Variants in MND1 observed in about 807,000 individuals in gnomAD.
The protein encoded by MND1 is meiotic nuclear divisions 1.
MND1 carries 28 observed loss-of-function variants against 35.1 expected under a neutral mutation model. That is an observed-to-expected ratio of 0.80 (90% CI 0.59 to 1.09). MND1 has a LOEUF of 1.09. MND1 is among the 50% of genes least tolerant of loss of function. The pLI, the probability that MND1 is intolerant of heterozygous loss-of-function variation, is 0.00. For missense variants in MND1, 213 were observed against 239.6 expected (o/e 0.89, Z 0.73); for synonymous variants, 69 against 70.5 (o/e 0.98, Z 0.11).
At chr4:153,405,715 A>AC (rs1409992571) in intron 6 of MND1, among the ~76,000 whole-genome samples, 1 of 152,158 alleles carries the variant, frequency 6.6e-6, no homozygotes, top group African/African-American at 2.4e-5. Context: ...ATTAATCTGA[A>AC]CCCCCACCTT....
At chr4:153,371,708 A>G (rs1327650776) in intron 4 of MND1, among the ~76,000 whole-genome samples, 1 of 152,108 alleles carries the variant, frequency 6.6e-6, no homozygotes, top group East Asian at 1.9e-4. Context: ...TCTCTATCTC[A>G]GCAATACGGC....
At chr4:153,366,346 A>G (rs771677507) in intron 4 of MND1, among the ~76,000 whole-genome samples, 1 of 152,154 alleles carries the variant, frequency 6.6e-6, no homozygotes, top group South Asian at 2.1e-4. Context: ...TCTTTGGGGG[A>G]CATTATTTAA....
intron 4 of MND1, among the ~76,000 whole-genome samples, chr4:153,371,720 G>A (rs1301305696): frequency 6.6e-6 from 1 of 152,026 alleles, no homozygotes; most frequent in East Asian, 1.9e-4. Context: ...CAATACGGCT[G>A]TTTTGCTTTC....
rs560093783 is a variant in MND1 at position 153,350,104 on chromosome 4, G to A, written c.44G>A (p.Arg15His). The change falls in exon 2 of 8, where the codon CGC becomes CAC. Residue 15 changes from arginine to histidine, a missense_variant. Arg to His is a conservative substitution (Grantham distance 29). Coordinates refer to ENST00000240488, the MANE Select transcript of MND1 (RefSeq NM_032117.4). ...CTGAGTGCAGAAGAAAAGAGAACTC[G>A]CATGATGGAAATATTTTCTGAAACA... ...KGLSAEEKRT[R>H]MMEIFSETKD... 7 of 1,604,640 alleles carry A rather than the reference G, an allele frequency of 4.4e-6. No homozygotes were observed. The highest frequency in any genetic ancestry group is 5.1e-6 in the Non-Finnish European group (6 of 1,176,152).
At chr4:153,397,363 T>A in intron 6 of MND1, 30 bp downstream of exon 6, 1 of 1,489,828 alleles carries the variant, frequency 6.7e-7, no homozygotes, top group Admixed American at 2.0e-5. Context: ...TAGGGATCTT[T>A]AACTTTGATA....
intron 4 of MND1, chr4:153,361,746 G>A (rs1480202898): frequency 5.9e-6 from 2 of 337,884 alleles, no homozygotes; most frequent in South Asian, 2.3e-5. Context: ...GCTGGGGCAG[G>A]AGAATGGCAT....
chr4:153,355,843 A>G lies in MND1; in HGVS notation c.127+132A>G, dbSNP rs1773326179. The G allele has an allele frequency of 4.8e-6, 3 of 630,736 alleles. No homozygotes were observed. In the South Asian group the frequency reaches 6.2e-5, roughly 13 times the overall value. 39.1% of individuals were successfully genotyped at this position (630,736 alleles called of 1,614,324 possible). The stretch of plus-strand genomic sequence containing the variant: ...ATGGAAAACCTAAATTTCTAGAGAC[A>G]AAGAAATCATCACCATCCAAAGATA... On this transcript the variant is annotated intron_variant, in intron 3 of 7. Coordinates refer to ENST00000240488, the MANE Select transcript of MND1 (RefSeq NM_032117.4).
intron 4 of MND1, among the ~76,000 whole-genome samples, chr4:153,391,557 C>T (rs1029514590): frequency 6.6e-6 from 1 of 151,878 alleles, no homozygotes; most frequent in Non-Finnish European, 1.5e-5. Context: ...GAAACCCCAT[C>T]TCTACTAAAA....
At chr4:153,399,648 A>G (rs756844644) in intron 6 of MND1, among the ~76,000 whole-genome samples, 1 of 152,204 alleles carries the variant, frequency 6.6e-6, no homozygotes, top group Non-Finnish European at 1.5e-5. Flanking sequence ...AAAGAAGTTC[A>G]GGGTATACAA....
chr4:153,359,148 G>T (rs1239633547), intron 4 of MND1, among the ~76,000 whole-genome samples: 1 of 152,126 alleles, frequency 6.6e-6, no homozygotes, highest in Non-Finnish European at 1.5e-5. Flanking sequence ...TTATAGTATT[G>T]TACAGAATAG....
intron 4 of MND1, among the ~76,000 whole-genome samples, chr4:153,362,569 A>G (rs1773522940): frequency 6.6e-6 from 1 of 152,176 alleles, no homozygotes; most frequent in African/African-American, 2.4e-5. Flanking sequence ...TTCTTTATAA[A>G]TTACCCAGTC....
At chr4:153,353,605 C>A (rs1344301764) in intron 2 of MND1, among the ~76,000 whole-genome samples, 18 of 151,004 alleles carry the variant, frequency 1.2e-4, no homozygotes, top group Non-Finnish European at 2.2e-4. Flanking sequence ...TTATAGTGCC[C>A]TTGGATGAGT....
At chr4:153,385,848 C>T (rs962630354) in intron 4 of MND1, among the ~76,000 whole-genome samples, 1 of 151,952 alleles carries the variant, frequency 6.6e-6, no homozygotes, top group Non-Finnish European at 1.5e-5. Context: ...GGTTGGCTTT[C>T]TTCATGATGA....
At chr4:153,390,611 C>T (rs1043356138) in intron 4 of MND1, among the ~76,000 whole-genome samples, 1 of 152,000 alleles carries the variant, frequency 6.6e-6, no homozygotes, top group Non-Finnish European at 1.5e-5. Flanking sequence ...CTCTAGGAAG[C>T]CCAGGTGCAC....
intron 4 of MND1, among the ~76,000 whole-genome samples, chr4:153,389,119 C>T (rs150600481): frequency 1.3e-5 from 2 of 152,282 alleles, no homozygotes; most frequent in Non-Finnish European, 2.9e-5. Context: ...ATAGGTGAAG[C>T]GTGCGGATCA....
intron 6 of MND1, 53 bp from the exon 7 acceptor site, chr4:153,408,912 GTATATA>G (rs10552163): frequency 2.5e-4 from 80 of 318,074 alleles, no homozygotes; most frequent in South Asian, 5.0e-4. Flanking sequence ...CATTTTGTGT[GTATATA>G]TATATATATA....
intron 4 of MND1, among the ~76,000 whole-genome samples, chr4:153,376,244 C>A (rs1728502342): frequency 6.6e-6 from 1 of 152,010 alleles, no homozygotes; most frequent in Non-Finnish European, 1.5e-5. Context: ...TGTTCATTTT[C>A]CCCCGTGTGG....
intron 3 of MND1, among the ~76,000 whole-genome samples, chr4:153,356,019 G>A (rs994932797): frequency 6.6e-6 from 1 of 152,042 alleles, no homozygotes; most frequent in African/African-American, 2.4e-5. Context: ...AAATCTAGTT[G>A]ATAAGCTGGC....
At chr4:153,345,334 C>G (rs1773048478) in intron 1 of MND1, 3 of 985,492 alleles carry the variant, frequency 3.0e-6, no homozygotes, top group Non-Finnish European at 3.6e-6. Flanking sequence ...CCTAATGGAT[C>G]TTCACTGTGT....
Sources: allele counts gnomAD v4.1 joint callset (sites outside exome capture counted in the v4.1 genomes callset), GRCh38; gene constraint gnomAD v4.1.1; transcripts MANE v1.5; gene names NCBI Gene and HGNC (gene_info 2026-07-23, HGNC 2026-07-21).